C6: variants seen among roughly 807,000 people sequenced by gnomAD.
The protein encoded by C6 is complement C6.
Under a neutral mutation model 112.9 loss-of-function variants are expected in C6, and 101 were observed. That is an observed-to-expected ratio of 0.89 (90% CI 0.76 to 1.06). The LOEUF is 1.06. Among genes scored for constraint, C6 ranks in the 50% least tolerant of loss-of-function variants. C6 has a pLI of 0.00. For synonymous variants in C6, 431 were observed against 384.1 expected, an observed-to-expected ratio of 1.12 and a Z score of -1.43; for missense variants, 1,202 against 1,104.6, an observed-to-expected ratio of 1.09 and a Z score of -1.25.
At chr5:41,183,926 A>G (rs1749555351) in intron 6 of C6, among the ~76,000 whole-genome samples, 1 of 151,066 alleles carries the variant, frequency 6.6e-6, no homozygotes, top group Non-Finnish European at 1.5e-5. Flanking sequence ...AGAGCTAAAC[A>G]TCGGGCACTC....
chr5:41,222,508 T>C (rs909527139), intron 1 of C6, among the ~76,000 whole-genome samples: 31 of 152,098 alleles, frequency 2.0e-4, no homozygotes, highest in African/African-American at 7.5e-4. Flanking sequence ...GGTATAAAAA[T>C]GTCAAGGAAG....
chr5:41,203,061 A>G (rs375516833), intron 2 of C6, 27 bp downstream of exon 2: 38 of 1,613,040 alleles, frequency 2.4e-5, no homozygotes, highest in Non-Finnish European at 3.0e-5. Flanking sequence ...CCAGGACACA[A>G]AGAAAAGCCA....
At chr5:41,203,855 G>T (rs6863479) in intron 1 of C6, 257 of 155,358 alleles carry the variant, frequency 1.7e-3, no homozygotes, top group African/African-American at 5.4e-3. Flanking sequence ...TGTTGAGGCT[G>T]CAGGTCAAGT....
chr5:41,169,260 C>G (rs1384312397), intron 9 of C6, among the ~76,000 whole-genome samples: 1 of 151,932 alleles, frequency 6.6e-6, no homozygotes, highest in Non-Finnish European at 1.5e-5. Flanking sequence ...ATCTGGCCAC[C>G]CTTCCCCAAC....
At chr5:41,246,083 A>T (rs910457288) in intron 1 of C6, among the ~76,000 whole-genome samples, 1 of 152,204 alleles carries the variant, frequency 6.6e-6, no homozygotes, top group African/African-American at 2.4e-5. Context: ...ACAATTCTTA[A>T]CTTGTCAAAG....
chr5:41,182,193 C>A (rs1209010670), intron 6 of C6, among the ~76,000 whole-genome samples: 1 of 151,384 alleles, frequency 6.6e-6, no homozygotes, highest in Non-Finnish European at 1.5e-5. Context: ...TCTTTTTGGC[C>A]AATAAAATGT....
intron 1 of C6, among the ~76,000 whole-genome samples, chr5:41,225,555 T>A (rs894258699): frequency 6.6e-6 from 1 of 152,222 alleles, no homozygotes; most frequent in African/African-American, 2.4e-5. Context: ...TATAGCAGCA[T>A]GATTTATAAT....
At chr5:41,155,129 T>G in intron 13 of C6, 25 bp from the exon 14 acceptor site, 3 of 1,601,106 alleles carry the variant, frequency 1.9e-6, no homozygotes, top group Non-Finnish European at 2.6e-6. Context: ...AAACCAGAAA[T>G]TATTAATGCT....
intron 5 of C6, among the ~76,000 whole-genome samples, chr5:41,193,842 T>C (rs1168704903): frequency 1.3e-5 from 2 of 148,164 alleles, no homozygotes; most frequent in Non-Finnish European, 3.0e-5. Flanking sequence ...GATAGCAGGA[T>C]TGGAGAGGCA....
intron 1 of C6, among the ~76,000 whole-genome samples, chr5:41,232,785 T>A (rs1359088234): frequency 6.6e-6 from 1 of 152,078 alleles, no homozygotes; most frequent in Non-Finnish European, 1.5e-5. Flanking sequence ...ATTAATTAGA[T>A]GCTATTCATA....
At chr5:41,176,796 T>A (rs1282677936) in intron 7 of C6, 81 bp from the exon 8 acceptor site, 2 of 1,215,176 alleles carry the variant, frequency 1.6e-6, no homozygotes, top group African/African-American at 3.0e-5. Flanking sequence ...CATTGATTTA[T>A]CATTAGTTTC....
chr5:41,187,250 G>T (rs922408137), intron 5 of C6, among the ~76,000 whole-genome samples: 1 of 152,010 alleles, frequency 6.6e-6, no homozygotes, highest in Non-Finnish European at 1.5e-5. Flanking sequence ...TAGTTGTGGG[G>T]GCTCAAGGGA....
intron 4 of C6, among the ~76,000 whole-genome samples, chr5:41,196,454 A>G (rs1384534628): frequency 6.6e-6 from 1 of 151,762 alleles, no homozygotes; most frequent in Non-Finnish European, 1.5e-5. Flanking sequence ...AAGGAGGGGG[A>G]ATTAACTAGA....
At chr5:41,230,468 G>C (rs1739825735) in intron 1 of C6, among the ~76,000 whole-genome samples, 2 of 152,018 alleles carry the variant, frequency 1.3e-5, no homozygotes, top group Non-Finnish European at 2.9e-5. Flanking sequence ...AAAAAGCCCT[G>C]GTCTCCTGTA....
chr5:41,179,397 T>C (rs1428057328), intron 7 of C6, among the ~76,000 whole-genome samples: 3 of 152,134 alleles, frequency 2.0e-5, no homozygotes. Context: ...CATGTCTATC[T>C]ATCTCCCTTC....
At chr5:41,254,148 T>G (rs187172829) in intron 1 of C6, among the ~76,000 whole-genome samples, 1 of 152,196 alleles carries the variant, frequency 6.6e-6, no homozygotes, top group Non-Finnish European at 1.5e-5. Flanking sequence ...ACACCTATAA[T>G]CCCAGCACTT....
intron 4 of C6, among the ~76,000 whole-genome samples, chr5:41,197,470 A>G (rs1366501323): frequency 6.6e-6 from 1 of 152,164 alleles, no homozygotes; most frequent in East Asian, 1.9e-4. Context: ...ATCTATACAT[A>G]TTACATTTTT....
chr5:41,240,605 G>T (rs1461426944), intron 1 of C6, among the ~76,000 whole-genome samples: 5 of 152,198 alleles, frequency 3.3e-5, no homozygotes, highest in Non-Finnish European at 7.3e-5. Context: ...AGCAGGCTGG[G>T]CTGACCCATC....
chr5:41,254,197 C>T (rs1294003441), intron 1 of C6, among the ~76,000 whole-genome samples: 1 of 152,038 alleles, frequency 6.6e-6, no homozygotes, highest in African/African-American at 2.4e-5. Flanking sequence ...GTCAAGAGAT[C>T]GAGACCATCC....
Sources: gnomAD v4.1 joint callset for allele counts (sites outside exome capture counted in the v4.1 genomes callset) on GRCh38, gnomAD v4.1.1 for gene constraint, MANE v1.5 for transcripts, NCBI Gene and HGNC (gene_info 2026-07-23, HGNC 2026-07-21) for gene names.